CA14: variants seen among roughly 807,000 people sequenced by gnomAD.
CA14 encodes the protein carbonic anhydrase 14.
In CA14, 44 loss-of-function variants were observed where a neutral mutation model predicts 48.8. That is an observed-to-expected ratio of 0.90 (90% CI 0.71 to 1.16). The LOEUF is 1.16. Ranked by LOEUF, CA14 falls within the 50% of genes most tolerant of loss-of-function variation. The pLI, the probability that CA14 is intolerant of heterozygous loss-of-function variation, is 0.00. For synonymous variants in CA14, 154 were observed against 155.0 expected (o/e 0.99, Z 0.05); for missense variants, 386 against 401.0 (o/e 0.96, Z 0.32).
At chr1:150,258,288 G>T (rs1185829482) in intron 1 of CA14, 105 bp downstream of exon 1, 5 of 853,690 alleles carry the variant, frequency 5.9e-6, no homozygotes, top group Admixed American at 4.6e-5. Flanking sequence ...CTAGAGGCTG[G>T]AATAATAGGC....
chr1:150,264,023 TCAAG>T (rs1651402133), intron 10 of CA14, 145 bp downstream of exon 10: 4 of 660,610 alleles, frequency 6.1e-6, no homozygotes, highest in Non-Finnish European at 1.1e-5. Flanking sequence ...CCTTCTGGGT[TCAAG>T]CAATTCTCCT....
At chr1:150,260,082 G>A (rs1488229924) in intron 1 of CA14, 69 bp from the exon 2 acceptor site, 2 of 1,478,200 alleles carry the variant, frequency 1.4e-6, no homozygotes, top group African/African-American at 1.4e-5. Context: ...GCCAGAGGGA[G>A]GGGAGTGTGG....
At chr1:150,263,712 G>A (rs1411397716) in intron 9 of CA14, 33 bp downstream of exon 9, 18 of 1,613,114 alleles carry the variant, frequency 1.1e-5, no homozygotes, top group Non-Finnish European at 1.5e-5. Context: ...TGCGGGGAGG[G>A]GAGGTGTCCT....
chr1:150,260,514 C>T, intron 2 of CA14: 1 of 405,406 alleles, frequency 2.5e-6, no homozygotes, highest in South Asian at 2.1e-5. Context: ...TACCCCTAAC[C>T]TGCATCTGAA....
intron 1 of CA14, among the ~76,000 whole-genome samples, chr1:150,259,241 G>A (rs191414045): frequency 6.6e-6 from 1 of 152,194 alleles, no homozygotes; most frequent in East Asian, 1.9e-4. Context: ...AGAGAGGAAG[G>A]AATTTAGGAT....
intron 2 of CA14, 117 bp from the exon 3 acceptor site, chr1:150,261,342 T>C: frequency 1.1e-6 from 1 of 891,772 alleles, no homozygotes; most frequent in East Asian, 2.6e-5. Context: ...GGGAAGTCCA[T>C]TTCTACCTCC....
rs139885812 is a variant in CA14 at position 150,264,626 on chromosome 1, C to T, written c.981C>T (p.Val327=). 1.9e-6 allele frequency: 3 copies of T among 1,612,896 alleles called. No homozygotes were observed. In the African/African-American group the frequency reaches 4.0e-5, roughly 22 times the overall value. The stretch of plus-strand genomic sequence containing the variant: ...GGCTGGAAAACCGAAAGAGTGTGGT[C>T]TTCACCTCAGCACAAGCCACGACTG... ...KKRLENRKSV[V]FTSAQATTEA The change falls in exon 11 of 11, where the codon GTC becomes GTT. Residue 327 remains valine, a synonymous_variant. Coordinates refer to ENST00000369111, the MANE Select transcript of CA14 (RefSeq NM_012113.3).
intron 2 of CA14, 182 bp downstream of exon 2, chr1:150,260,353 A>G: frequency 1.4e-6 from 1 of 708,950 alleles, no homozygotes; most frequent in Non-Finnish European, 2.6e-6. Flanking sequence ...TCTAATCATC[A>G]AATCCTACAC....
chr1:150,262,347 G>C, intron 4 of CA14, 47 bp downstream of exon 4: 2 of 1,566,664 alleles, frequency 1.3e-6, no homozygotes, highest in Non-Finnish European at 1.7e-6. Flanking sequence ...AACAGGGATG[G>C]GTGGTCCTGG....
rs587736144 is a variant in CA14, at chr1:150,262,388, G to A, written c.399+88G>A. 4.8e-5 allele frequency: 73 copies of A among 1,529,496 alleles called. No homozygotes were observed. In the East Asian group the frequency reaches 1.6e-3, roughly 34 times the overall value. The allele number at this position is 1,529,496 out of a possible 1,614,324, so 94.7% of individuals were successfully genotyped here. Reference sequence around the variant, plus strand: ...GGATCTGGACCTTAGGAAAAGTCATGCTGGGGGGATAAGGCCAATCTCTGA... The same window carrying A: ...GGATCTGGACCTTAGGAAAAGTCATACTGGGGGGATAAGGCCAATCTCTGA... On this transcript the variant is annotated intron_variant, in intron 4 of 10. Transcript: ENST00000369111.
chr1:150,258,700 G>T (rs905051074), intron 1 of CA14, among the ~76,000 whole-genome samples: 3 of 152,200 alleles, frequency 2.0e-5, no homozygotes, highest in Non-Finnish European at 4.4e-5. Flanking sequence ...CTCTGAAAGT[G>T]GCAGTAAGAG....
chr1:150,263,561 T>C, intron 8 of CA14, 98 bp from the exon 9 acceptor site: 1 of 1,610,894 alleles, frequency 6.2e-7, no homozygotes, highest in Non-Finnish European at 8.5e-7. Flanking sequence ...CACCCCAGGG[T>C]GCCCCCGGGG....
Position 150,257,977 on chromosome 1 carries a change from G to C in CA14, c.-152G>C, listed in dbSNP as rs983974057. ...AATCCCCTGGAAGCCCACAGAGACAGAGACAGCAAGAGAAGCAGAGATAAA... is the reference window on the plus strand; with the variant it reads ...AATCCCCTGGAAGCCCACAGAGACACAGACAGCAAGAGAAGCAGAGATAAA... On this transcript the variant is annotated 5_prime_UTR_variant, in exon 1 of 11. Coordinates refer to ENST00000369111, the MANE Select transcript of CA14 (RefSeq NM_012113.3). The C allele has an allele frequency of 6.2e-6, 3 of 485,660 alleles. No homozygotes were observed. Among genetic ancestry groups the C allele is most frequent in the Non-Finnish European group, 1.1e-5 (3 of 270,070 alleles). The allele number at this position is 485,660 out of a possible 1,614,324, so 30.1% of individuals were successfully genotyped here.
At chr1:150,264,391 C>T (rs1443232030) in intron 10 of CA14, among the ~76,000 whole-genome samples, 6 of 151,940 alleles carry the variant, frequency 3.9e-5, no homozygotes, top group East Asian at 1.9e-4. Flanking sequence ...TTAGCAGAGA[C>T]GGGTTTTCAC....
chr1:150,262,395 G>T, intron 4 of CA14, 95 bp downstream of exon 4: 1 of 1,510,952 alleles, frequency 6.6e-7, no homozygotes, highest in Non-Finnish European at 9.1e-7. Flanking sequence ...CATGCTGGGG[G>T]GATAAGGCCA....
chr1:150,264,447 C>G (rs965194502), intron 10 of CA14, 146 bp from the exon 11 acceptor site: 6 of 563,376 alleles, frequency 1.1e-5, no homozygotes, highest in Admixed American at 3.2e-5. Flanking sequence ...AAGTGATCCG[C>G]CCGCCTCAGC....
rs1553847810 is a variant in CA14, at chr1:150,261,525, T to A, written c.143T>A (p.Ile48Asn). ...TGTGGAAACAATGCCCAGTCGCCCA[T>A]CGATATTCAGACAGACAGTGTGACA... Reference protein sequence around the residue: ...PECGNNAQSPIDIQTDSVTFD... With the variant: ...PECGNNAQSPNDIQTDSVTFD... The change falls in exon 3 of 11, where the codon ATC becomes AAC. Residue 48 changes from isoleucine to asparagine, a missense_variant. By Grantham distance (149) the Ile-to-Asn change is moderately radical. Coordinates refer to ENST00000369111, the MANE Select transcript of CA14 (RefSeq NM_012113.3). The A allele has an allele frequency of 4.3e-6, 7 of 1,614,094 alleles. No homozygotes were observed. In the South Asian group the frequency reaches 6.6e-5, roughly 15 times the overall value.
chr1:150,258,028 CT>C lies in CA14; in HGVS notation c.-100del. The C allele has an allele frequency of 3.3e-6, 1 of 304,058 alleles. No homozygotes were observed. 18.8% of individuals were successfully genotyped at this position (304,058 alleles called of 1,614,324 possible). ...TACACTCACGCCAGGAGCTCGCTCG[CT>C]CTCTCTCTCTCTCTCTCACTCCTCC... On this transcript the variant is annotated 5_prime_UTR_variant, in exon 1 of 11. Coordinates refer to ENST00000369111, the MANE Select transcript of CA14 (RefSeq NM_012113.3).
intron 4 of CA14, 67 bp downstream of exon 4, chr1:150,262,367 C>A (rs1651114506): frequency 1.3e-6 from 2 of 1,553,784 alleles, no homozygotes; most frequent in Non-Finnish European, 1.7e-6. Flanking sequence ...GGGAAAGGAT[C>A]TGGACCTTAG....
Sources: gnomAD v4.1 joint callset for allele counts (sites outside exome capture counted in the v4.1 genomes callset) on GRCh38, gnomAD v4.1.1 for gene constraint, MANE v1.5 for transcripts, NCBI Gene and HGNC (gene_info 2026-07-23, HGNC 2026-07-21) for gene names.